GSDME: variants seen among roughly 807,000 people sequenced by gnomAD.
The protein encoded by GSDME is gasdermin E.
GSDME carries 44 observed loss-of-function variants against 47.5 expected under a neutral mutation model. That is an observed-to-expected ratio of 0.93 (90% CI 0.73 to 1.19). The LOEUF is 1.19. Among genes scored for constraint, GSDME ranks in the 50% most tolerant of loss-of-function variants. The pLI, the probability that GSDME is intolerant of heterozygous loss-of-function variation, is 0.00. For missense variants in GSDME, 663 were observed against 604.2 expected, an observed-to-expected ratio of 1.10 and a Z score of -1.02; for synonymous variants, 258 against 252.8, an observed-to-expected ratio of 1.02 and a Z score of -0.20.
intron 3 of GSDME, among the ~76,000 whole-genome samples, chr7:24,731,817 A>G (rs1472880382): frequency 1.3e-5 from 2 of 152,240 alleles, no homozygotes; most frequent in Non-Finnish European, 2.9e-5. Flanking sequence ...GTTTAAAGAA[A>G]AAGATCTTTG....
chr7:24,787,524 G>A, the GSDME span, among the ~76,000 whole-genome samples: 11 of 152,264 alleles, frequency 7.2e-5, no homozygotes, highest in East Asian at 1.9e-3. This position sits in a 1 kb window ranked among gnomAD's most constrained non-coding sequence, Gnocchi z 5.0. Flanking sequence ...CTTACCACCA[G>A]GACATTAGCC....
the GSDME span, among the ~76,000 whole-genome samples, chr7:24,769,694 G>GTT: frequency 6.6e-6 from 1 of 152,078 alleles, no homozygotes; most frequent in African/African-American, 2.4e-5. Flanking sequence ...CTCTTTCTCA[G>GTT]TACATCATGT....
At chr7:24,700,335 T>TTGATCTGTACCCGTAATATTTTAC (rs1342652093) in intron 9 of GSDME, among the ~76,000 whole-genome samples, 9 of 152,202 alleles carry the variant, frequency 5.9e-5, no homozygotes, top group Non-Finnish European at 1.0e-4. Context: ...TTTTAGGGTC[T>TTGATCTGTACCCGTAATATTTTAC]TGATCTGTAC....
rs1326707593 is a variant in GSDME, at chr7:24,754,009, C to T, written c.-20+3387G>A. On this transcript the variant is annotated intron_variant, in intron 1 of 9. Coordinates refer to ENST00000645220, the MANE Select transcript of GSDME (RefSeq NM_001127453.2). This position sits in a 1 kb window ranked among gnomAD's most constrained non-coding sequence, Gnocchi z 5.0. ...GATCTAGAACTCAAGTTGCCCGACA[C>T]AGACAAGCACAGTCATGTCTCAGCC... Among the ~76,000 whole-genome samples, 2 of 152,196 alleles carry T rather than the reference C, an allele frequency of 1.3e-5. No homozygotes were observed. The highest frequency in any genetic ancestry group is 2.9e-5 in the Non-Finnish European group (2 of 68,044).
At chr7:24,753,545 A>C (rs1490373974) in intron 1 of GSDME, among the ~76,000 whole-genome samples, 1 of 152,220 alleles carries the variant, frequency 6.6e-6, no homozygotes, top group Non-Finnish European at 1.5e-5. Flanking sequence ...AGAGATTGCT[A>C]GAACAATGGG....
At chr7:24,699,375 C>G in intron 9 of GSDME, 116 bp from the exon 10 acceptor site, 1 of 748,444 alleles carries the variant, frequency 1.3e-6, no homozygotes, top group South Asian at 1.5e-5. Flanking sequence ...TGGAGTCTTG[C>G]TCTGTCGTCC....
Position 24,744,358 on chromosome 7 carries a change from A to AG in GSDME, c.404+203dup, listed in dbSNP as rs1790580168. 1.6e-6 allele frequency: 1 copy of AG among 618,442 alleles called. No individual in the cohort carries two copies. The highest frequency in any genetic ancestry group is 2.8e-5 in the East Asian group (1 of 35,852). 38.3% of individuals were successfully genotyped at this position (618,442 alleles called of 1,614,324 possible). On this transcript the variant is annotated intron_variant, in intron 3 of 9. Coordinates refer to ENST00000645220, the MANE Select transcript of GSDME (RefSeq NM_001127453.2). This position sits in a 1 kb window ranked among gnomAD's most constrained non-coding sequence, Gnocchi z 4.5. The stretch of plus-strand genomic sequence containing the variant: ...TAACATCCTTTGAAAGTGCTTCCCA[A>AG]GTCTCCCCCCACTCAGGCTAAGAAC...
the GSDME span, among the ~76,000 whole-genome samples, chr7:24,791,645 C>T: frequency 6.6e-6 from 1 of 152,192 alleles, no homozygotes; most frequent in Non-Finnish European, 1.5e-5. The surrounding 1 kb of genome is among the most constrained non-coding windows in gnomAD (Gnocchi z 4.8). Flanking sequence ...CTTCTATCAC[C>T]TGCCCTCATT....
chr7:24,715,186 T>C (rs1789503295), intron 5 of GSDME, among the ~76,000 whole-genome samples: 1 of 152,046 alleles, frequency 6.6e-6, no homozygotes, highest in Non-Finnish European at 1.5e-5. Flanking sequence ...GGGGGTAGAC[T>C]GGTGGTTGCC....
chr7:24,751,190 G>T (rs1270049838), intron 1 of GSDME, among the ~76,000 whole-genome samples: 5 of 152,082 alleles, frequency 3.3e-5, no homozygotes, highest in African/African-American at 1.2e-4. Context: ...TACTCCAAGA[G>T]AAACATAGGC....
At chr7:24,704,851 C>G (rs964240040) in intron 8 of GSDME, 2 of 152,026 alleles carry the variant, frequency 1.3e-5, no homozygotes, top group African/African-American at 2.4e-5. Context: ...ACCACCATGC[C>G]TGGCTAATTT....
chr7:24,763,587 A>G, the GSDME span, among the ~76,000 whole-genome samples: 3 of 152,308 alleles, frequency 2.0e-5, no homozygotes, highest in East Asian at 5.8e-4. This position sits in a 1 kb window ranked among gnomAD's most constrained non-coding sequence, Gnocchi z 4.3. Context: ...GAATAGCACA[A>G]ATGTAAAATT....
the GSDME span, among the ~76,000 whole-genome samples, chr7:24,772,000 C>A: frequency 6.6e-6 from 1 of 152,186 alleles, no homozygotes; most frequent in Non-Finnish European, 1.5e-5. The surrounding 1 kb of genome is among the most constrained non-coding windows in gnomAD (Gnocchi z 4.1). Flanking sequence ...TGCGCAACAG[C>A]CCCTTGTTCA....
intron 1 of GSDME, among the ~76,000 whole-genome samples, chr7:24,752,637 T>G (rs1364164386): frequency 5.9e-5 from 9 of 152,130 alleles, no homozygotes; most frequent in Admixed American, 5.2e-4. Context: ...AGAGGGAATT[T>G]GAAAGGAACA....
intron 4 of GSDME, among the ~76,000 whole-genome samples, chr7:24,717,628 G>C (rs1218614906): frequency 6.6e-6 from 1 of 152,178 alleles, no homozygotes; most frequent in Non-Finnish European, 1.5e-5. Flanking sequence ...ATACAGTGAA[G>C]TTAGGTCTAC....
chr7:24,749,909 T>TAGGAAGAAGATA, intron 1 of GSDME, 116 bp from the exon 2 acceptor site: 3 of 682,208 alleles, frequency 4.4e-6, no homozygotes, highest in South Asian at 1.8e-5. Flanking sequence ...GAATATCTTC[T>TAGGAAGAAGATA]TCCTAGAAGA....
At position 24,714,923 on chromosome 7, in the gene GSDME, C is replaced by T. The variant is rs1433914749; in HGVS notation, c.697+2331G>A. ...ATTTCAGAAAGCGTTACAGAAGTGA[C>T]GCATCCTTCACTACAGCCAAGATAC... On this transcript the variant is annotated intron_variant, in intron 5 of 9. Transcript: ENST00000645220. This position sits in a 1 kb window ranked among gnomAD's most constrained non-coding sequence, Gnocchi z 5.0. Among the ~76,000 whole-genome samples the T allele has an allele frequency of 6.6e-6, 1 of 152,188 alleles. No individual in the cohort carries two copies. Among genetic ancestry groups the T allele is most frequent in the Non-Finnish European group, 1.5e-5 (1 of 68,032 alleles).
At chr7:24,715,456 A>C (rs971507610) in intron 5 of GSDME, 8 of 470,880 alleles carry the variant, frequency 1.7e-5, no homozygotes, top group African/African-American at 8.0e-5. Flanking sequence ...TCACTTGTAC[A>C]TCTTGAACAT....
At position 24,726,873 on chromosome 7, in the gene GSDME, A is replaced by G. The variant is rs1789987935; in HGVS notation, c.405-7655T>C. Among the ~76,000 whole-genome samples the G allele has an allele frequency of 6.6e-6, 1 of 151,788 alleles. No individual in the cohort carries two copies. The highest frequency in any genetic ancestry group is 2.1e-4 in the South Asian group (1 of 4,802). ...CAATGGAAACCCTGGGGAGCCTGGT[A>G]AGGCTCTCCAAACCCCAGGGGACAT... On this transcript the variant is annotated intron_variant, in intron 3 of 9. Transcript: ENST00000645220. The surrounding 1 kb of genome is among the most constrained non-coding windows in gnomAD (Gnocchi z 5.6).
Sources: gnomAD v4.1 joint callset for allele counts (sites outside exome capture counted in the v4.1 genomes callset) on GRCh38, gnomAD v4.1.1 for gene constraint, Gnocchi (gnomAD v3.1) non-coding constraint, MANE v1.5 for transcripts, NCBI Gene and HGNC (gene_info 2026-07-23, HGNC 2026-07-21) for gene names.